The following LITAF variants were observed in gnomAD, a reference collection of about 807,000 sequenced individuals.
LITAF encodes the protein lipopolysaccharide induced TNF factor.
LITAF carries 9 observed loss-of-function variants against 14.5 expected under a neutral mutation model. The observed-to-expected ratio is 0.62, with a 90% confidence interval of 0.37 to 1.08. The LOEUF (loss-of-function observed/expected upper bound fraction) is 1.08. Among genes scored for constraint, LITAF ranks in the 50% least tolerant of loss-of-function variants. LITAF has a pLI of 0.01. For synonymous variants in LITAF, 98 were observed against 88.2 expected (o/e 1.11, Z -0.62); for missense variants, 206 against 213.4 (o/e 0.97, Z 0.22).
At chr16:11,575,792 T>C (rs1330894978) in intron 1 of LITAF, among the ~76,000 whole-genome samples, 1 of 152,208 alleles carries the variant, frequency 6.6e-6, no homozygotes, top group East Asian at 1.9e-4. Context: ...CTCCATAGCT[T>C]CTGGTGTTGC....
At chr16:11,623,484 AC>A (rs2065063755) in intron 3 of LITAF, among the ~76,000 whole-genome samples, 1 of 150,990 alleles carries the variant, frequency 6.6e-6, no homozygotes, top group Non-Finnish European at 1.5e-5. Context: ...GCATGGTGAA[AC>A]CCCATCTCTA....
At chr16:11,570,990 C>T (rs922045491) in intron 1 of LITAF, among the ~76,000 whole-genome samples, 3 of 152,148 alleles carry the variant, frequency 2.0e-5, no homozygotes. Flanking sequence ...GAAATGCAGG[C>T]GGCCTCTGGA....
At chr16:11,568,689 T>TTTC (rs1398306339) in intron 1 of LITAF, among the ~76,000 whole-genome samples, 1 of 150,280 alleles carries the variant, frequency 6.7e-6, no homozygotes, top group Non-Finnish European at 1.5e-5. Flanking sequence ...TTTTGTTTTT[T>TTTC]TTTTTTTTGA....
intron 3 of LITAF, among the ~76,000 whole-genome samples, chr16:11,614,041 G>A (rs761355722): frequency 7.9e-5 from 12 of 152,188 alleles, no homozygotes; most frequent in South Asian, 2.1e-4. Context: ...CAGTGGAGCC[G>A]TTGTGCCCAT....
intron 1 of LITAF, among the ~76,000 whole-genome samples, chr16:11,560,374 G>A (rs1041479517): frequency 1.3e-5 from 2 of 151,672 alleles, no homozygotes; most frequent in East Asian, 3.9e-4. Flanking sequence ...ACTTTGGGAG[G>A]CTGAGATGGG....
chr16:11,583,227 C>G (rs1235803691), intron 1 of LITAF, among the ~76,000 whole-genome samples: 1 of 152,134 alleles, frequency 6.6e-6, no homozygotes, highest in Non-Finnish European at 1.5e-5. Flanking sequence ...GCGGTATGTC[C>G]CACAAGTCAA....
chr16:11,567,420 G>GAA (rs78887090), intron 1 of LITAF, among the ~76,000 whole-genome samples: 14 of 136,566 alleles, frequency 1.0e-4, no homozygotes, highest in African/African-American at 2.4e-4. Flanking sequence ...ACTCCGTCTG[G>GAA]AAAAAAAAAA....
intron 1 of LITAF, among the ~76,000 whole-genome samples, chr16:11,559,689 G>A (rs1265278539): frequency 1.3e-5 from 2 of 151,250 alleles, no homozygotes; most frequent in Non-Finnish European, 2.9e-5. Context: ...CTGTTTCTTT[G>A]TACCTTTCAA....
intron 1 of LITAF, among the ~76,000 whole-genome samples, chr16:11,568,683 G>GTTTTT (rs757940935): frequency 7.5e-6 from 1 of 133,898 alleles, no homozygotes. Context: ...GTTTTTTTTT[G>GTTTTT]TTTTTTTTTT....
intron 2 of LITAF, 189 bp downstream of exon 2, chr16:11,556,322 C>T (rs368681485): frequency 3.3e-5 from 20 of 601,650 alleles, no homozygotes; most frequent in African/African-American, 1.1e-4. Flanking sequence ...TACTTTATTA[C>T]GGAAAAGCTG....
chr16:11,611,202 G>C (rs2064980479), intron 3 of LITAF, among the ~76,000 whole-genome samples: 1 of 152,034 alleles, frequency 6.6e-6, no homozygotes, highest in Admixed American at 6.6e-5. Context: ...AATTAGCCAG[G>C]CGTGGTGGCA....
At chr16:11,621,593 A>G (rs894759542) in intron 3 of LITAF, among the ~76,000 whole-genome samples, 2 of 152,192 alleles carry the variant, frequency 1.3e-5, no homozygotes, top group African/African-American at 2.4e-5. Context: ...GCCTCCATCA[A>G]GGATAGACAG....
chr16:11,628,259 A>C (rs2141902987), intron 3 of LITAF, among the ~76,000 whole-genome samples: 1 of 152,276 alleles, frequency 6.6e-6, no homozygotes, highest in South Asian at 2.1e-4. Flanking sequence ...GGCCCCAGAT[A>C]ACTCGCTAAA....
intron 3 of LITAF, among the ~76,000 whole-genome samples, chr16:11,610,253 C>T (rs1210356009): frequency 3.3e-5 from 5 of 152,248 alleles, no homozygotes; most frequent in Non-Finnish European, 7.3e-5. Flanking sequence ...TATCGGCAAT[C>T]CCTAAGAAAG....
chr16:11,603,964 A>G (rs1367357606), intron 3 of LITAF, among the ~76,000 whole-genome samples: 1 of 151,938 alleles, frequency 6.6e-6, no homozygotes, highest in Non-Finnish European at 1.5e-5. Context: ...GGAGAATGGC[A>G]TGAACCTGGG....
chr16:11,628,272 TG>T (rs1275593259), intron 3 of LITAF, among the ~76,000 whole-genome samples: 1 of 152,130 alleles, frequency 6.6e-6, no homozygotes, highest in Admixed American at 6.5e-5. Context: ...TCGCTAAACT[TG>T]GGGCCGCCCC....
At chr16:11,595,995 G>T (rs982407148) in intron 1 of LITAF, among the ~76,000 whole-genome samples, 1 of 152,144 alleles carries the variant, frequency 6.6e-6, no homozygotes, top group Non-Finnish European at 1.5e-5. Context: ...GCCAGGACAG[G>T]ATATCCCAGT....
chr16:11,598,923 G>T (rs1053995034), upstream of LITAF, among the ~76,000 whole-genome samples: 1 of 151,750 alleles, frequency 6.6e-6, no homozygotes, highest in Non-Finnish European at 1.5e-5. Context: ...GGGTTCAAGC[G>T]ATTCTCCTGC....
chr16:11,561,010 T>G (rs190724773), intron 1 of LITAF: 162 of 152,340 alleles, frequency 1.1e-3, no homozygotes, highest in African/African-American at 3.8e-3. Flanking sequence ...TGTTGAAACT[T>G]CCAGCAAAGG....
Sources: allele counts gnomAD v4.1 joint callset (sites outside exome capture counted in the v4.1 genomes callset), GRCh38; gene constraint gnomAD v4.1.1; transcripts MANE v1.5; gene names NCBI Gene and HGNC (gene_info 2026-07-23, HGNC 2026-07-21).